CNTN5: variants seen among roughly 807,000 people sequenced by gnomAD.
CNTN5 encodes contactin 5, also known as contactin-5.
A neutral mutation model predicts 129.1 loss-of-function variants in CNTN5; 77 were observed. The observed-to-expected ratio is 0.60, with a 90% CI of 0.50 to 0.72. The LOEUF is 0.72. CNTN5 is among the 30% of genes least tolerant of loss of function. The pLI is 0.00. For synonymous variants in CNTN5, 509 were observed against 465.6 expected (o/e 1.09, Z -1.20); for missense variants, 1,478 against 1,328.8 (o/e 1.11, Z -1.75).
chr11:99,329,350 T>C (rs780219934), intron 2 of CNTN5, among the ~76,000 whole-genome samples: 1 of 152,216 alleles, frequency 6.6e-6, no homozygotes, highest in East Asian at 1.9e-4. Flanking sequence ...TGATACTTGC[T>C]CAGCAAATGT....
chr11:99,944,711 C>T (rs1326417172), intron 7 of CNTN5, among the ~76,000 whole-genome samples: 2 of 152,018 alleles, frequency 1.3e-5, no homozygotes, highest in African/African-American at 4.8e-5. Flanking sequence ...CATTCTTATA[C>T]ACCAATAATA....
At chr11:99,438,977 A>C (rs1037557859) in intron 2 of CNTN5, among the ~76,000 whole-genome samples, 3 of 152,246 alleles carry the variant, frequency 2.0e-5, no homozygotes, top group Non-Finnish European at 2.9e-5. Context: ...AAAATCACAC[A>C]TAAGTTAAAT....
At position 99,280,594 on chromosome 11, in the gene CNTN5, C is replaced by A. The variant is rs531499730; in HGVS notation, c.-209-44752C>A. Among the ~76,000 whole-genome samples the A allele has an allele frequency of 1.4e-4, 21 of 151,752 alleles. No individual in the cohort carries two copies. The East Asian group carries it at 2.9e-3, about 21-fold the overall frequency. On this transcript the variant is annotated intron_variant, in intron 1 of 24. Coordinates refer to ENST00000524871, the MANE Select transcript of CNTN5 (RefSeq NM_014361.4). ...AAAAAAAATGAACAAACCAAAATCT[C>A]CACCCTGAAATTTTATAGCTATAGA...
At chr11:100,082,097 T>C (rs1379114340) in intron 13 of CNTN5, among the ~76,000 whole-genome samples, 1 of 150,340 alleles carries the variant, frequency 6.7e-6, no homozygotes, top group Non-Finnish European at 1.5e-5. Context: ...ATCATCATGC[T>C]TAAGTACAAT....
chr11:99,412,332 C>A (rs1942435458), intron 2 of CNTN5, among the ~76,000 whole-genome samples: 1 of 152,038 alleles, frequency 6.6e-6, no homozygotes, highest in African/African-American at 2.4e-5. Flanking sequence ...GTTCTTTATA[C>A]CAGCCACAAA....
chr11:99,118,454 A>T (rs1410531273), intron 1 of CNTN5, among the ~76,000 whole-genome samples: 1 of 152,150 alleles, frequency 6.6e-6, no homozygotes, highest in Non-Finnish European at 1.5e-5. Flanking sequence ...AGCAATGTAG[A>T]TGACTATTTC....
intron 1 of CNTN5, among the ~76,000 whole-genome samples, chr11:99,139,041 G>C (rs4379800): frequency 0.9 from 136,138 of 151,172 alleles, 61,505 homozygotes; most frequent in East Asian, 0.99. Context: ...AGGAGTTCAA[G>C]ACCAACCTGG....
Position 99,239,803 on chromosome 11 carries a change from G to A in CNTN5, c.-209-85543G>A, listed in dbSNP as rs541416968. Among the ~76,000 whole-genome samples the A allele has an allele frequency of 4.3e-3, 661 of 152,238 alleles. 3 individuals are homozygous for A. Among genetic ancestry groups the A allele is most frequent in the Middle Eastern group, 6.8e-3 (2 of 294 alleles). The stretch of plus-strand genomic sequence containing the variant: ...ACAAAAAAATTTAGCCGGGCGTGGT[G>A]GCGGGCGCCTGTAGTCCCAGCTACT... On this transcript the variant is annotated intron_variant, in intron 1 of 24. Transcript: ENST00000524871.
intron 1 of CNTN5, among the ~76,000 whole-genome samples, chr11:99,128,631 C>G (rs1357833341): frequency 6.6e-6 from 1 of 152,200 alleles, no homozygotes; most frequent in Non-Finnish European, 1.5e-5. Flanking sequence ...ATACAAACTA[C>G]TTCCTTAAGT....
At chr11:99,076,578 A>T (rs1288826319) in intron 1 of CNTN5, among the ~76,000 whole-genome samples, 2 of 152,186 alleles carry the variant, frequency 1.3e-5, no homozygotes, top group African/African-American at 4.8e-5. Context: ...ATATTAAAAG[A>T]TAAAAAGCAC....
intron 9 of CNTN5, among the ~76,000 whole-genome samples, chr11:100,031,841 G>T (rs979520646): frequency 1.3e-5 from 2 of 152,114 alleles, no homozygotes; most frequent in African/African-American, 4.8e-5. Flanking sequence ...ATGATCAAAT[G>T]ATCCTAAATC....
intron 9 of CNTN5, among the ~76,000 whole-genome samples, chr11:100,051,945 TAAA>T (rs967116561): frequency 6.6e-6 from 1 of 151,878 alleles, no homozygotes; most frequent in African/African-American, 2.4e-5. Flanking sequence ...AATTTGTAAT[TAAA>T]AACCCTTATA....
intron 3 of CNTN5, among the ~76,000 whole-genome samples, chr11:99,713,284 T>A (rs554449160): frequency 6.6e-6 from 1 of 152,026 alleles, no homozygotes; most frequent in African/African-American, 2.4e-5. Context: ...TGGCTCTCTG[T>A]TTTTTGTTGT....
At chr11:99,127,934 T>C (rs1307505053) in intron 1 of CNTN5, among the ~76,000 whole-genome samples, 1 of 152,230 alleles carries the variant, frequency 6.6e-6, no homozygotes, top group Non-Finnish European at 1.5e-5. Context: ...CAGGGCTCTC[T>C]ACTGGGCTTA....
intron 1 of CNTN5, among the ~76,000 whole-genome samples, chr11:99,269,630 A>G (rs915579661): frequency 6.6e-6 from 1 of 151,902 alleles, no homozygotes; most frequent in African/African-American, 2.4e-5. Context: ...ATCTTATATT[A>G]ACAAAAGTGT....
chr11:99,902,726 C>T (rs1293037722), intron 6 of CNTN5, among the ~76,000 whole-genome samples: 1 of 152,044 alleles, frequency 6.6e-6, no homozygotes. Context: ...ATTTTAAATA[C>T]CCTTTTAAAT....
intron 6 of CNTN5, among the ~76,000 whole-genome samples, chr11:99,909,494 C>A (rs1030196543): frequency 1.3e-5 from 2 of 151,882 alleles, no homozygotes; most frequent in African/African-American, 2.4e-5. Context: ...ACATGCTGCT[C>A]TAAAGACATA....
At chr11:99,844,059 T>G (rs1947601841) in intron 4 of CNTN5, among the ~76,000 whole-genome samples, 1 of 152,200 alleles carries the variant, frequency 6.6e-6, no homozygotes, top group South Asian at 2.1e-4. Context: ...TAGTTTCACT[T>G]TCTTCATGAA....
At chr11:99,052,561 C>T (rs1234222367) in intron 1 of CNTN5, among the ~76,000 whole-genome samples, 41 of 151,830 alleles carry the variant, frequency 2.7e-4, no homozygotes, top group Admixed American at 2.6e-3. Flanking sequence ...ACTGAAATTG[C>T]TTAATGCATT....
Sources: gnomAD v4.1 joint callset for allele counts (sites outside exome capture counted in the v4.1 genomes callset) on GRCh38, gnomAD v4.1.1 for gene constraint, MANE v1.5 for transcripts, NCBI Gene and HGNC (gene_info 2026-07-23, HGNC 2026-07-21) for gene names.